Variants in C16orf46 observed in about 807,000 individuals in gnomAD.
C16orf46 encodes uncharacterized protein C16orf46.
C16orf46 carries 7 observed loss-of-function variants against 5.5 expected under a neutral mutation model. That is an observed-to-expected ratio of 1.28 (90% confidence interval 0.73 to 2.40). C16orf46 has a LOEUF of 2.40. Ranked by LOEUF, C16orf46 falls within the 30% of genes most tolerant of loss-of-function variation. The pLI, the probability that C16orf46 is intolerant of heterozygous loss-of-function variation, is 0.00. For synonymous variants in C16orf46, 200 were observed against 184.1 expected, an observed-to-expected ratio of 1.09 and a Z score of -0.70; for missense variants, 614 against 476.0, an observed-to-expected ratio of 1.29 and a Z score of -2.70.
rs149216360 is a variant in C16orf46 at position 81,071,814 on chromosome 16, A to T, written c.-128+5322T>A. ...CATTAGTGGTACCATCTTATAAATG[A>T]GAAAAAAAATGCAGGAAGGTGAGGA... On this transcript the variant is annotated intron_variant, in intron 1 of 3. Coordinates refer to ENST00000299578, the MANE Select transcript of C16orf46 (RefSeq NM_152337.3). Among the ~76,000 whole-genome samples, 14 of 152,358 alleles carry T rather than the reference A, an allele frequency of 9.2e-5. No homozygotes were observed. The East Asian group carries it at 2.7e-3, about 29-fold the overall frequency.
exon 4 of C16orf46, chr16:81,053,972 G>A (rs1440827327): frequency 2.3e-6 from 3 of 1,284,626 alleles, no homozygotes; most frequent in African/African-American, 1.5e-5. Flanking sequence ...GCTTTCTGGT[G>A]ATCCGCCGCT....
intron 1 of C16orf46, chr16:81,072,238 C>T (rs1023590824): frequency 1.4e-5 from 2 of 146,734 alleles, no homozygotes; most frequent in Non-Finnish European, 3.0e-5. Flanking sequence ...CAGGTAAGTA[C>T]AGTTACTGAG....
At chr16:81,074,685 A>G (rs1226604178) in intron 1 of C16orf46, among the ~76,000 whole-genome samples, 1 of 151,666 alleles carries the variant, frequency 6.6e-6, no homozygotes, top group African/African-American at 2.4e-5. Context: ...ACCCAACCCT[A>G]TAACTCAATC....
chr16:81,062,744 A>G (rs956134634), intron 3 of C16orf46, among the ~76,000 whole-genome samples: 3 of 152,144 alleles, frequency 2.0e-5, no homozygotes, highest in African/African-American at 7.2e-5. Flanking sequence ...TGCCACAGAG[A>G]TCACCATTAA....
intron 1 of C16orf46, among the ~76,000 whole-genome samples, chr16:81,073,346 C>A (rs1299437493): frequency 6.6e-6 from 1 of 152,010 alleles, no homozygotes; most frequent in African/African-American, 2.4e-5. Context: ...TGATTAGAGG[C>A]AGAATTAATA....
chr16:81,073,330 C>T (rs866565118), intron 1 of C16orf46, among the ~76,000 whole-genome samples: 3 of 152,112 alleles, frequency 2.0e-5, no homozygotes, highest in South Asian at 4.1e-4. Flanking sequence ...TTCTAAGATA[C>T]AACTCTGATT....
chr16:81,065,303 C>G (rs7189182), intron 2 of C16orf46, among the ~76,000 whole-genome samples: 17,578 of 151,930 alleles, frequency 0.12, 1,254 homozygotes, highest in Middle Eastern at 0.19. Flanking sequence ...GAAACCCTAT[C>G]TCTACTAAAA....
At chr16:81,069,457 A>C (rs1971769758) in intron 1 of C16orf46, among the ~76,000 whole-genome samples, 1 of 152,196 alleles carries the variant, frequency 6.6e-6, no homozygotes, top group Non-Finnish European at 1.5e-5. Flanking sequence ...GATGGCAAAC[A>C]TGGCTCTTAG....
rs1185059672 is a variant in C16orf46 at position 81,061,663 on chromosome 16, C to G, written c.686G>C (p.Ser229Thr). The G allele has an allele frequency of 6.2e-7, 1 of 1,614,214 alleles. No homozygotes were observed. Residue 229 changes from serine to threonine, a missense_variant, in exon 4 of 4, where the codon AGT becomes ACT. Coordinates refer to ENST00000299578, the MANE Select transcript of C16orf46 (RefSeq NM_152337.3). ...SNALDVLGKK[S>T]KNSFLQSEEK... ...TTCTGACTGCAAGAAAGAGTTCTTA[C>G]TCTTCTTACCCAGAACATCCAAAGC...
At chr16:81,075,130 C>G (rs1188973364) in intron 1 of C16orf46, among the ~76,000 whole-genome samples, 1 of 152,148 alleles carries the variant, frequency 6.6e-6, no homozygotes, top group East Asian at 1.9e-4. Flanking sequence ...CATCTTACTC[C>G]CTATACAATG....
chr16:81,068,663 G>A (rs1047085752), intron 1 of C16orf46, among the ~76,000 whole-genome samples: 5 of 144,854 alleles, frequency 3.5e-5, no homozygotes, highest in African/African-American at 1.3e-4. Flanking sequence ...GCTTCCCAAA[G>A]TGCTGGGATT....
At chr16:81,063,636 C>T in intron 3 of C16orf46, 110 bp downstream of exon 3, 1 of 890,326 alleles carries the variant, frequency 1.1e-6, no homozygotes, top group African/African-American at 1.7e-5. Context: ...TTCTACATGT[C>T]ATTGATTCCA....
At chr16:81,075,752 C>T (rs574475503) in intron 1 of C16orf46, among the ~76,000 whole-genome samples, 1 of 152,280 alleles carries the variant, frequency 6.6e-6, no homozygotes. Context: ...GCCAGTCTGT[C>T]TATATAGTCA....
At chr16:81,055,146 C>T (rs954726067) in intron 3 of C16orf46, among the ~76,000 whole-genome samples, 2 of 152,120 alleles carry the variant, frequency 1.3e-5, no homozygotes, top group African/African-American at 4.8e-5. Flanking sequence ...TTAAAATAGA[C>T]TCATGAATAG....
At chr16:81,069,529 TCA>T (rs35922972) in intron 1 of C16orf46, among the ~76,000 whole-genome samples, 3,770 of 152,176 alleles carry the variant, frequency 0.025, 75 homozygotes, top group African/African-American at 0.058. Flanking sequence ...CTGGAGCAAA[TCA>T]CAGACATTGC....
At chr16:81,067,485 T>C (rs1049878286) in intron 1 of C16orf46, among the ~76,000 whole-genome samples, 7 of 152,202 alleles carry the variant, frequency 4.6e-5, no homozygotes, top group African/African-American at 1.2e-4. Flanking sequence ...GGAATAATGA[T>C]AGAAGCCAGG....
At chr16:81,058,874 G>A (rs1971380022), downstream of C16orf46, among the ~76,000 whole-genome samples, 1 of 152,026 alleles carries the variant, frequency 6.6e-6, no homozygotes, top group South Asian at 2.1e-4. Context: ...AAACGTCCCC[G>A]ACCTGTGAAA....
intron 1 of C16orf46, chr16:81,076,389 A>C (rs1171543904): frequency 1.3e-5 from 2 of 152,138 alleles, no homozygotes; most frequent in Non-Finnish European, 1.5e-5. Flanking sequence ...CTCCTTGTTA[A>C]TTATATGTGC....
chr16:81,067,603 A>G (rs2151754093), intron 1 of C16orf46, among the ~76,000 whole-genome samples: 1 of 152,272 alleles, frequency 6.6e-6, no homozygotes, highest in East Asian at 1.9e-4. Context: ...CCCAGGTTGG[A>G]GTACAATGGT....
Sources: allele counts gnomAD v4.1 joint callset (sites outside exome capture counted in the v4.1 genomes callset), GRCh38; gene constraint gnomAD v4.1.1; transcripts MANE v1.5; gene names NCBI Gene and HGNC (gene_info 2026-07-23, HGNC 2026-07-21).